Variants in KRT79 observed in about 807,000 individuals in gnomAD.
KRT79 encodes the protein keratin, type II cytoskeletal 79.
In KRT79, 51 loss-of-function variants were observed where a neutral mutation model predicts 49.0. The observed-to-expected ratio is 1.04, with a 90% CI of 0.83 to 1.31. The LOEUF (loss-of-function observed/expected upper bound fraction) is 1.31. Ranked by LOEUF, KRT79 falls within the 40% of genes most tolerant of loss-of-function variation. KRT79 has a pLI of 0.00. For missense variants in KRT79, 728 were observed against 688.0 expected, an observed-to-expected ratio of 1.06 and a Z score of -0.65; for synonymous variants, 312 against 286.6, an observed-to-expected ratio of 1.09 and a Z score of -0.90.
intron 4 of KRT79, among the ~76,000 whole-genome samples, chr12:52,826,966 G>A (rs1325959794): frequency 6.6e-6 from 1 of 151,978 alleles, no homozygotes; most frequent in Non-Finnish European, 1.5e-5. Flanking sequence ...CCTCTGACAG[G>A]AAAGGGCCCA....
At position 52,821,619 on chromosome 12, in the gene KRT79, G is replaced by T; in HGVS notation, c.*253C>A. The T allele has an allele frequency of 3.5e-6, 1 of 288,094 alleles. No individual in the cohort carries two copies. 17.8% of individuals were successfully genotyped at this position (288,094 alleles called of 1,614,324 possible). On this transcript the variant is annotated 3_prime_UTR_variant, in exon 9 of 9. Transcript: ENST00000330553. ...TCAGCCTCCTCTCGGTGGTCAAAAGGTCACCCCCAAGTCACCCAAGCACAT... is the reference window on the plus strand; with the variant it reads ...TCAGCCTCCTCTCGGTGGTCAAAAGTTCACCCCCAAGTCACCCAAGCACAT...
At position 52,824,304 on chromosome 12, in the gene KRT79, T is replaced by C; in HGVS notation, c.914A>G (p.Asn305Ser). 6.2e-7 allele frequency: 1 copy of C among 1,614,178 alleles called. No individual in the cohort carries two copies. ...GCTGTCCAGGTCCAGGTTGCGGTTG[T>C]TGTCCATGGACAGCACCACATTGGT... ...SNTNVVLSMD[N>S]NRNLDLDSII... The change falls in exon 5 of 9, where the codon AAC (asparagine) becomes AGC (serine). Residue 305 changes from asparagine (N) to serine (S), a missense_variant. Physicochemically the swap from Asn to Ser is conservative, Grantham distance 46. Coordinates refer to ENST00000330553, the MANE Select transcript of KRT79 (RefSeq NM_175834.3).
At chr12:52,824,398 G>A in intron 4 of KRT79, 36 bp from the exon 5 acceptor site, 2 of 1,604,644 alleles carry the variant, frequency 1.2e-6, no homozygotes, top group Non-Finnish European at 1.7e-6. Context: ...CAGCACCCCT[G>A]CTCCAGGCCC....
chr12:52,825,641 A>G (rs767493996), intron 4 of KRT79, among the ~76,000 whole-genome samples: 2 of 152,234 alleles, frequency 1.3e-5, no homozygotes, highest in Non-Finnish European at 2.9e-5. Context: ...ACTGATATCC[A>G]TACTGATGTA....
At chr12:52,832,914 T>C (rs7315180) in intron 1 of KRT79, among the ~76,000 whole-genome samples, 6,134 of 152,280 alleles carry the variant, frequency 0.04, 432 homozygotes, top group African/African-American at 0.14. Context: ...ATAGAAGCAC[T>C]GTGGGTACCT....
intron 2 of KRT79, among the ~76,000 whole-genome samples, chr12:52,830,617 A>AAG (rs1565692365): frequency 2.6e-5 from 4 of 152,106 alleles, no homozygotes; most frequent in African/African-American, 4.8e-5. Context: ...GACCTTTACC[A>AAG]TCACTTTCAA....
At position 52,822,020 on chromosome 12, in the gene KRT79, C is replaced by A. The variant is rs781741279; in HGVS notation, c.1460G>T (p.Gly487Val). The change falls in exon 9 of 9, where the codon GGC becomes GTC. Residue 487 changes from glycine to valine, a missense_variant. By Grantham distance (109) the Gly-to-Val change is moderately radical (BLOSUM62 -3). Coordinates refer to ENST00000330553, the MANE Select transcript of KRT79 (RefSeq NM_175834.3). ...CCCCCCACTCCCACCCAGGGAGATG[C>A]CACCTCCAAAGCTGGCTGCGCCACC... Reference protein sequence around the residue: ...CGGGAASFGGGISLGGSGGAT... With the variant: ...CGGGAASFGGVISLGGSGGAT... The A allele has an allele frequency of 1.2e-6, 2 of 1,614,094 alleles. No individual in the cohort carries two copies. The highest frequency in any genetic ancestry group is 3.3e-5 in the Admixed American group (2 of 60,034).
At chr12:52,832,786 TCCCAGTCCCG>T (rs1940273618) in intron 1 of KRT79, among the ~76,000 whole-genome samples, 1 of 152,030 alleles carries the variant, frequency 6.6e-6, no homozygotes. Context: ...GGGGCCTGGG[TCCCAGTCCCG>T]CCTCTGCCTC....
rs141767249 is a variant in KRT79, at chr12:52,822,404, G to A, written c.1368-25C>T. On this transcript the variant is annotated intron_variant, in intron 7 of 8. Transcript: ENST00000330553. ...CCTAGGGGACACAGAAAGGCCAGGA[G>A]AGCAGTCAGTTATCCCTGGTGCCCA... 5.5e-4 allele frequency: 838 copies of A among 1,535,760 alleles called. 2 individuals are homozygous for A. The African/African-American group carries it at 0.01, about 18-fold the overall frequency.
chr12:52,822,885 T>G, intron 7 of KRT79, 131 bp downstream of exon 7: 1 of 831,590 alleles, frequency 1.2e-6, no homozygotes, highest in Non-Finnish European at 1.8e-6. Context: ...AAGCAGATTT[T>G]CCCCCCGCGT....
intron 4 of KRT79, 54 bp downstream of exon 4, chr12:52,829,969 G>T: frequency 6.9e-7 from 1 of 1,444,228 alleles, no homozygotes; most frequent in Non-Finnish European, 9.8e-7. Flanking sequence ...CATGGAAAAC[G>T]CCCAGTGCTG....
Position 52,821,916 on chromosome 12 carries a change from G to T in KRT79, c.1564C>A (p.Leu522Met). 1 of 1,614,164 alleles carries T rather than the reference G, an allele frequency of 6.2e-7. No homozygotes were observed. Among genetic ancestry groups the T allele is most frequent in the African/African-American group, 1.3e-5 (1 of 75,056 alleles). ...GTCTTGACCGTAGTGGTCTTCCGCA[G>T]GATGGAGGTGCCCGCAGAGACTGGC... Reference protein sequence around the residue: ...GGPVSAGTSILRKTTTVKTSS... With the variant: ...GGPVSAGTSIMRKTTTVKTSS... The change falls in exon 9 of 9, where the codon CTG (leucine) becomes ATG (methionine). Residue 522 changes from leucine to methionine, a missense_variant. Physicochemically the swap from Leu to Met is conservative, Grantham distance 15. Transcript: ENST00000330553.
chr12:52,823,146 C>T lies in KRT79; in HGVS notation c.1237G>A (p.Val413Met). The change falls in exon 7 of 9, where the codon GTG (valine) becomes ATG (methionine). Residue 413 changes from valine to methionine, a missense_variant. Val to Met is a conservative substitution (Grantham distance 21). Coordinates refer to ENST00000330553, the MANE Select transcript of KRT79 (RefSeq NM_175834.3). The part of the protein sequence containing the change: ...DAQKKLGDLD[V>M]ALHQAKEDLT... ...TCCTCCTTGGCCTGGTGCAGGGCCACATCCAGATCCCCAAGCTTCTTCTGA... is the reference window on the plus strand; with the variant it reads ...TCCTCCTTGGCCTGGTGCAGGGCCATATCCAGATCCCCAAGCTTCTTCTGA... 6.2e-7 allele frequency: 1 copy of T among 1,614,218 alleles called. No homozygotes were observed. The highest frequency in any genetic ancestry group is 8.5e-7 in the Non-Finnish European group (1 of 1,180,026).
intron 8 of KRT79, 53 bp from the exon 9 acceptor site, chr12:52,822,130 G>C: frequency 6.4e-7 from 1 of 1,570,862 alleles, no homozygotes; most frequent in Non-Finnish European, 8.7e-7. Context: ...GAGAGGGCTG[G>C]GGGAGACCCA....
chr12:52,828,066 A>G (rs1940201148), intron 4 of KRT79, among the ~76,000 whole-genome samples: 1 of 152,206 alleles, frequency 6.6e-6, no homozygotes, highest in Non-Finnish European at 1.5e-5. Flanking sequence ...TAAGGCTGAC[A>G]TCAACCTCCT....
chr12:52,829,072 A>G (rs545646360), intron 4 of KRT79, among the ~76,000 whole-genome samples: 2 of 152,320 alleles, frequency 1.3e-5, no homozygotes, highest in East Asian at 3.9e-4. Flanking sequence ...ATTTGAGTAG[A>G]GGTTACATAT....
chr12:52,833,798 A>C lies in KRT79; in HGVS notation c.463T>G (p.Ser155Ala). 6.2e-7 allele frequency: 1 copy of C among 1,613,606 alleles called. No homozygotes were observed. Reference sequence around the variant, plus strand: ...GCTTGGCCCACCTTGTCGATGAAGGAGGCGAACTTGTTGTTGAGGGTCTTG... The same window carrying C: ...GCTTGGCCCACCTTGTCGATGAAGGCGGCGAACTTGTTGTTGAGGGTCTTG... The part of the protein sequence containing the change: ...QIKTLNNKFA[S>A]FIDKVRFLEQ... The change falls in exon 1 of 9, where the codon TCC (serine) becomes GCC (alanine). Residue 155 changes from serine to alanine, a missense_variant. Coordinates refer to ENST00000330553, the MANE Select transcript of KRT79 (RefSeq NM_175834.3).
In KRT79 at chr12:52,831,263, G is replaced by C. The variant is rs888223849; in HGVS notation, c.698+143C>G. ...AATTCTCCAGGTGGCAGCAGGTGCT[G>C]GACCTGAGCACCTGAGGGAGCCAGC... On this transcript the variant is annotated intron_variant, in intron 2 of 8. Coordinates refer to ENST00000330553, the MANE Select transcript of KRT79 (RefSeq NM_175834.3). 4 of 714,530 alleles carry C rather than the reference G, an allele frequency of 5.6e-6. No individual in the cohort carries two copies. In the African/African-American group the frequency reaches 7.0e-5, roughly 13 times the overall value. The allele number at this position is 714,530 out of a possible 1,614,324, so 44.3% of individuals were successfully genotyped here.
At position 52,824,329 on chromosome 12, in the gene KRT79, T is replaced by G. The variant is rs759803788; in HGVS notation, c.889A>C (p.Thr297Pro). 3.7e-6 allele frequency: 6 copies of G among 1,614,196 alleles called. No homozygotes were observed. Among genetic ancestry groups the G allele is most frequent in the South Asian group, 2.2e-5 (2 of 91,082 alleles). Residue 297 changes from threonine to proline, a missense_variant, in exon 5 of 9, where the codon ACC becomes CCC. Transcript: ENST00000330553. ...TTGTCCATGGACAGCACCACATTGG[T>G]GTTAGACACGTGGGTCTGCACTTGG... The part of the protein sequence containing the change: ...LSQVQTHVSN[T>P]NVVLSMDNNR...
Sources: gnomAD v4.1 joint callset for allele counts (sites outside exome capture counted in the v4.1 genomes callset) on GRCh38, gnomAD v4.1.1 for gene constraint, MANE v1.5 for transcripts, NCBI Gene and HGNC (gene_info 2026-07-23, HGNC 2026-07-21) for gene names.